The following GUF1 variants were observed in gnomAD, a reference collection of about 807,000 sequenced individuals.
GUF1 encodes the protein translation factor GUF1, mitochondrial.
GUF1 carries 78 observed loss-of-function variants against 82.4 expected under a neutral mutation model. The ratio of observed to expected loss-of-function variants is 0.95; its 90% CI spans 0.79 to 1.14. GUF1 has a LOEUF of 1.14. Ranked by LOEUF, GUF1 falls within the 50% of genes most tolerant of loss-of-function variation. The pLI, the probability that GUF1 is intolerant of heterozygous loss-of-function variation, is 0.00. For synonymous variants in GUF1, 279 were observed against 282.3 expected, an observed-to-expected ratio of 0.99 and a Z score of 0.12; for missense variants, 814 against 798.2, an observed-to-expected ratio of 1.02 and a Z score of -0.24.
rs780447427 is a variant in GUF1, at chr4:44,689,276, G to A, written c.1079-10G>A. ...TATCACGTGATAATTAGAAATCATT[G>A]TATCCCCAGGAATGTATCCTCTAGA... is the stretch of plus-strand genomic sequence containing the variant. On this transcript the variant is annotated splice_polypyrimidine_tract_variant and intron_variant, in intron 9 of 16. Coordinates refer to ENST00000281543, the MANE Select transcript of GUF1 (RefSeq NM_021927.3). The A allele has an allele frequency of 1.3e-6, 2 of 1,562,708 alleles. No individual in the cohort carries two copies. Among genetic ancestry groups the A allele is most frequent in the Non-Finnish European group, 1.7e-6 (2 of 1,153,112 alleles).
Position 44,683,305 on chromosome 4 carries a change from A to T in GUF1, c.656A>T (p.Asp219Val), listed in dbSNP as rs1305791127. ...GAGAAAGTGTTTGATATTCCAAGTG[A>T]TGAATGTATTAAGGTAAAATACGTT... ...QIEKVFDIPSDECIKISAKLG... is the reference protein window; with the variant it reads ...QIEKVFDIPSVECIKISAKLG... The change falls in exon 6 of 17, where the codon GAT becomes GTT. Residue 219 changes from aspartate (D) to valine (V), a missense_variant. Physicochemically the swap from Asp to Val is radical, Grantham distance 152. Coordinates refer to ENST00000281543, the MANE Select transcript of GUF1 (RefSeq NM_021927.3). The T allele has an allele frequency of 4.5e-6, 7 of 1,571,196 alleles. No individual in the cohort carries two copies. In the African/African-American group the frequency reaches 9.6e-5, roughly 22 times the overall value.
rs1714565085 is a variant in GUF1 at position 44,678,575 on chromosome 4, T to G, written c.-48T>G. ...ACCTTCGAAAAAAAACGGGCTATGC[T>G]GCTGTTGCGTGTGGGTACCCTCTCC... is the stretch of plus-strand genomic sequence containing the variant. On this transcript the variant is annotated 5_prime_UTR_variant, in exon 1 of 17. Transcript: ENST00000281543. 1 of 1,411,038 alleles carries G rather than the reference T, an allele frequency of 7.1e-7. No individual in the cohort carries two copies. Among genetic ancestry groups the G allele is most frequent in the Admixed American group, 3.2e-5 (1 of 31,064 alleles). 87.4% of individuals were successfully genotyped at this position (1,411,038 alleles called of 1,614,324 possible). A position where few individuals can be genotyped will look rare whatever the true frequency, so the allele number is the denominator to read the frequency against.
chr4:44,685,916 T>C, intron 6 of GUF1, 43 bp from the exon 7 acceptor site: 10 of 1,347,960 alleles, frequency 7.4e-6, no homozygotes, highest in East Asian at 2.3e-5. Context: ...AAAAGTATAG[T>C]CTTAACTTTA....
At chr4:44,687,983 T>C in intron 8 of GUF1, 24 bp from the exon 9 acceptor site, 3 of 1,596,772 alleles carry the variant, frequency 1.9e-6, no homozygotes, top group Non-Finnish European at 2.6e-6. Context: ...GCAGTAAATA[T>C]TTGCATATAA....
In GUF1 at chr4:44,680,861, T is replaced by C. The variant is rs749219832; in HGVS notation, c.426+19T>C. Reference sequence around the variant, plus strand: ...TACACCGGTAAGTTTAATATTAATTTTGCATGTATTGTTAAAGTCAACATT... The same window carrying C: ...TACACCGGTAAGTTTAATATTAATTCTGCATGTATTGTTAAAGTCAACATT... On this transcript the variant is annotated intron_variant, in intron 3 of 16. Coordinates refer to ENST00000281543, the MANE Select transcript of GUF1 (RefSeq NM_021927.3). The C allele has an allele frequency of 2.0e-5, 31 of 1,580,968 alleles. No individual in the cohort carries two copies. Among genetic ancestry groups the C allele is most frequent in the Non-Finnish European group, 2.3e-5 (27 of 1,157,588 alleles).
At chr4:44,680,987 T>A in intron 3 of GUF1, 136 bp from the exon 4 acceptor site, 5 of 1,084,762 alleles carry the variant, frequency 4.6e-6, no homozygotes, top group Non-Finnish European at 6.8e-6. Context: ...TAGTGTCAGT[T>A]GTTTCAAAAG....
chr4:44,680,373 T>C, intron 1 of GUF1, 68 bp from the exon 2 acceptor site: 1 of 640,472 alleles, frequency 1.6e-6, no homozygotes, highest in Non-Finnish European at 2.8e-6. Context: ...GAATATTCTT[T>C]GAATTGGTAT....
intron 8 of GUF1, among the ~76,000 whole-genome samples, chr4:44,686,943 A>G (rs1715094095): frequency 6.6e-6 from 1 of 151,974 alleles, no homozygotes; most frequent in South Asian, 2.1e-4. Flanking sequence ...ATTTATGATC[A>G]AGGGTAGATT....
chr4:44,685,060 C>T (rs1009776698), intron 6 of GUF1, among the ~76,000 whole-genome samples: 2 of 152,074 alleles, frequency 1.3e-5, no homozygotes, highest in Non-Finnish European at 2.9e-5. Context: ...CTTGGAGTCC[C>T]ATCTGGGAAA....
chr4:44,698,533 A>T lies in GUF1; in HGVS notation c.1873-11A>T, dbSNP rs761694388. Reference sequence around the variant, plus strand: ...TGACTTAGACTTCCAATGTTTTAAAATATTTTTCAGTATGGTGGTGATATT... The same window carrying T: ...TGACTTAGACTTCCAATGTTTTAAATTATTTTTCAGTATGGTGGTGATATT... On this transcript the variant is annotated splice_polypyrimidine_tract_variant and intron_variant, in intron 16 of 16. Coordinates refer to ENST00000281543, the MANE Select transcript of GUF1 (RefSeq NM_021927.3). The T allele has an allele frequency of 1.3e-6, 2 of 1,575,746 alleles. No individual in the cohort carries two copies. The highest frequency in any genetic ancestry group is 2.8e-5 in the African/African-American group (2 of 72,296).
Position 44,694,399 on chromosome 4 carries a change from T to G in GUF1, c.1614-13T>G. 3.9e-6 allele frequency: 6 copies of G among 1,549,802 alleles called. No homozygotes were observed. The highest frequency in any genetic ancestry group is 5.3e-6 in the Non-Finnish European group (6 of 1,122,392). On this transcript the variant is annotated splice_polypyrimidine_tract_variant and intron_variant, in intron 13 of 16. Transcript: ENST00000281543. Reference sequence around the variant, plus strand: ...AAGTGTAATATTTATCACTTGGACTTTTTTCCTTTTAGTTTTGATTACGAA... The same window carrying G: ...AAGTGTAATATTTATCACTTGGACTGTTTTCCTTTTAGTTTTGATTACGAA...
intron 9 of GUF1, among the ~76,000 whole-genome samples, 167 bp downstream of exon 9, chr4:44,688,313 G>T (rs903549329): frequency 6.6e-6 from 1 of 151,870 alleles, no homozygotes; most frequent in Non-Finnish European, 1.5e-5. Context: ...ACATATGTGT[G>T]ATGAAATTAT....
chr4:44,683,244 A>C lies in GUF1; in HGVS notation c.595A>C (p.Lys199Gln). The change falls in exon 6 of 17, where the codon AAG becomes CAG. Residue 199 changes from lysine to glutamine, a missense_variant. Coordinates refer to ENST00000281543, the MANE Select transcript of GUF1 (RefSeq NM_021927.3). ...VIPVINKIDL[K>Q]NADPERVENQ... ...ATTTTTTTTTTTAAAGATAGATCTG[A>C]AGAATGCTGATCCTGAAAGGGTTGA... 6.4e-7 allele frequency: 1 copy of C among 1,570,940 alleles called. No homozygotes were observed. The highest frequency in any genetic ancestry group is 8.6e-7 in the Non-Finnish European group (1 of 1,157,100).
chr4:44,688,027 A>G lies in GUF1; in HGVS notation c.959A>G (p.Tyr320Cys), dbSNP rs1367706230. 1.9e-6 allele frequency: 3 copies of G among 1,611,956 alleles called. No individual in the cohort carries two copies. The highest frequency in any genetic ancestry group is 2.5e-6 in the Non-Finnish European group (3 of 1,178,534). Reference sequence around the variant, plus strand: ...TTTAGATATGCAGGACAGGTGGGCTATCTGATTGCTGGGATGAAAGATGTC... The same window carrying G: ...TTTAGATATGCAGGACAGGTGGGCTGTCTGATTGCTGGGATGAAAGATGTC... ...THKLYAGQVG[Y>C]LIAGMKDVTE... The change falls in exon 9 of 17, where the codon TAT becomes TGT. Residue 320 changes from tyrosine (Y) to cysteine (C), a missense_variant. Physicochemically the swap from Tyr to Cys is radical, Grantham distance 194. Coordinates refer to ENST00000281543, the MANE Select transcript of GUF1 (RefSeq NM_021927.3).
chr4:44,689,073 C>G (rs781204919), intron 9 of GUF1, among the ~76,000 whole-genome samples: 9 of 151,234 alleles, frequency 6.0e-5, no homozygotes, highest in Non-Finnish European at 1.3e-4. Context: ...GAGTGCAAAT[C>G]TAGTTGTATA....
chr4:44,699,754 T>C lies in GUF1; in HGVS notation c.*1073T>C, dbSNP rs901582421. ...AGTTAATGATAAAATGTTTATAGAT[T>C]TTATCAGGTGGTTAGTTTGAAACTA... On this transcript the variant is annotated 3_prime_UTR_variant, in exon 17 of 17. Transcript: ENST00000281543. The C allele has an allele frequency of 2.0e-5, 3 of 152,192 alleles. No homozygotes were observed. Among genetic ancestry groups the C allele is most frequent in the African/African-American group, 7.2e-5 (3 of 41,450 alleles). The allele number at this position is 152,192 out of a possible 1,614,324, so 9.4% of individuals were successfully genotyped here.
intron 13 of GUF1, among the ~76,000 whole-genome samples, chr4:44,692,076 C>T (rs1341423433): frequency 6.6e-6 from 1 of 151,686 alleles, no homozygotes; most frequent in East Asian, 1.9e-4. Context: ...AGCTGTATTC[C>T]TTGTCTGTTA....
intron 11 of GUF1, 129 bp from the exon 12 acceptor site, chr4:44,690,587 AT>A: frequency 1.9e-6 from 1 of 532,214 alleles, no homozygotes; most frequent in Non-Finnish European, 3.3e-6. Flanking sequence ...ATTGGAATAT[AT>A]TGTTTACTAA....
rs1290561423 is a variant in GUF1, at chr4:44,678,532, C to G, written c.-91C>G. 9.3e-7 allele frequency: 1 copy of G among 1,070,884 alleles called. No homozygotes were observed. Among genetic ancestry groups the G allele is most frequent in the Admixed American group, 4.1e-5 (1 of 24,234 alleles). 66.3% of individuals were successfully genotyped at this position (1,070,884 alleles called of 1,614,324 possible). ...ACAGGATCTGTTTGAGTCCTGTCCA[C>G]CGGATCCTACGGGGGGTACCTTCGA... On this transcript the variant is annotated 5_prime_UTR_variant, in exon 1 of 17. Transcript: ENST00000281543.
Sources: gnomAD v4.1 joint callset for allele counts (sites outside exome capture counted in the v4.1 genomes callset) on GRCh38, gnomAD v4.1.1 for gene constraint, MANE v1.5 for transcripts, NCBI Gene and HGNC (gene_info 2026-07-23, HGNC 2026-07-21) for gene names.